The following DOCK10 variants were observed in gnomAD, a reference collection of about 807,000 sequenced individuals.
DOCK10 encodes the protein dedicator of cytokinesis protein 10.
A neutral mutation model predicts 280.1 loss-of-function variants in DOCK10; 145 were observed. That is an observed-to-expected ratio of 0.52 (90% CI 0.45 to 0.59). DOCK10 has a LOEUF of 0.59. Among genes scored for constraint, DOCK10 ranks in the 20% least tolerant of loss-of-function variants. DOCK10 has a pLI of 0.00. For synonymous variants in DOCK10, 915 were observed against 942.2 expected, an observed-to-expected ratio of 0.97 and a Z score of 0.53; for missense variants, 2,368 against 2,651.7, an observed-to-expected ratio of 0.89 and a Z score of 2.35.
rs71410336 is a variant in DOCK10 at position 224,870,815 on chromosome 2, ATTTTTTTTTTTTT to A, written c.1257+3168_1257+3180del. Among the ~76,000 whole-genome samples the A allele has an allele frequency of 2.1e-4, 11 of 52,612 alleles. No individual in the cohort carries two copies. The East Asian group carries it at 2.6e-3, about 12-fold the overall frequency. 34.5% of individuals were successfully genotyped at this position (52,612 alleles called of 152,430 possible). ...TTGTATTTCCATTCATGGCCACTCC[ATTTTTTTTTTTTT>A]TTTTTTTTTTTTTTTTGAGACGGAG... is the stretch of plus-strand genomic sequence containing the variant. On this transcript the variant is annotated intron_variant, in intron 11 of 55. Coordinates refer to ENST00000258390, the MANE Select transcript of DOCK10 (RefSeq NM_014689.3).
In DOCK10 at chr2:224,830,524, A is replaced by G; in HGVS notation, c.3036+17T>C. ...TATTGTAAAAATATTATAATATTAT[A>G]TTACTTATGTTCTTACCTGGATTTT... On this transcript the variant is annotated intron_variant, in intron 27 of 55. Transcript: ENST00000258390. 3 of 1,288,612 alleles carry G rather than the reference A, an allele frequency of 2.3e-6. No individual in the cohort carries two copies. The highest frequency in any genetic ancestry group is 2.6e-5 in the East Asian group (1 of 37,938). The allele number at this position is 1,288,612 out of a possible 1,614,324, so 79.8% of individuals were successfully genotyped here.
intron 1 of DOCK10, among the ~76,000 whole-genome samples, chr2:224,980,259 G>C (rs1705676137): frequency 6.6e-6 from 1 of 152,274 alleles, no homozygotes; most frequent in South Asian, 2.1e-4. Context: ...AGAGTCTTTG[G>C]GGTCAAGAGC....
At chr2:224,948,581 A>G (rs1391972804) in intron 1 of DOCK10, among the ~76,000 whole-genome samples, 2 of 152,182 alleles carry the variant, frequency 1.3e-5, no homozygotes, top group African/African-American at 4.8e-5. Flanking sequence ...ACTCTGGATC[A>G]CCTGATTTCC....
intron 1 of DOCK10, among the ~76,000 whole-genome samples, chr2:224,989,860 G>A (rs571629308): frequency 6.6e-6 from 1 of 152,260 alleles, no homozygotes; most frequent in Non-Finnish European, 1.5e-5. Flanking sequence ...TATTGTGATA[G>A]TAACCCCTGA....
At chr2:224,817,803 T>C (rs1694232469) in intron 29 of DOCK10, among the ~76,000 whole-genome samples, 1 of 152,214 alleles carries the variant, frequency 6.6e-6, no homozygotes, top group Non-Finnish European at 1.5e-5. Flanking sequence ...AAATCTCCAC[T>C]GCACCCCATC....
chr2:224,855,057 G>T lies in DOCK10; in HGVS notation c.1809-15C>A. ...TTCTGTCGGCCCTGTAAGAGTGCAT[G>T]AGCAAGGACACACACACACACACAC... On this transcript the variant is annotated splice_polypyrimidine_tract_variant and intron_variant, in intron 15 of 55. Transcript: ENST00000258390. 3 of 1,322,966 alleles carry T rather than the reference G, an allele frequency of 2.3e-6. No homozygotes were observed. The highest frequency in any genetic ancestry group is 2.1e-5 in the Admixed American group (1 of 48,740). The allele number at this position is 1,322,966 out of a possible 1,614,324, so 82.0% of individuals were successfully genotyped here.
At chr2:224,778,514 T>G in intron 50 of DOCK10, 1 of 559,242 alleles carries the variant, frequency 1.8e-6, no homozygotes. Context: ...CCAAAGAAAC[T>G]CATGAAATAT....
intron 1 of DOCK10, among the ~76,000 whole-genome samples, chr2:224,952,983 C>A (rs549192210): frequency 5.3e-5 from 8 of 152,136 alleles, no homozygotes; most frequent in Admixed American, 3.9e-4. Context: ...TCTAAGCAAC[C>A]GGGGGGCAGA....
chr2:224,886,214 C>T, intron 5 of DOCK10, 29 bp from the exon 6 acceptor site: 3 of 1,613,264 alleles, frequency 1.9e-6, no homozygotes, highest in Non-Finnish European at 2.5e-6. Flanking sequence ...AGCATGACAG[C>T]CATCTTTTGT....
intron 12 of DOCK10, 67 bp downstream of exon 12, chr2:224,864,799 T>A (rs1391910083): frequency 3.8e-6 from 6 of 1,598,572 alleles, no homozygotes; most frequent in East Asian, 2.2e-5. Context: ...GCTCATCTTA[T>A]ATGATCTATT....
chr2:224,939,425 A>C (rs1702882754), intron 1 of DOCK10, among the ~76,000 whole-genome samples: 1 of 152,200 alleles, frequency 6.6e-6, no homozygotes, highest in Non-Finnish European at 1.5e-5. Flanking sequence ...TAAAATTCAC[A>C]CATTTTTGTA....
chr2:224,773,327 C>T lies in DOCK10; in HGVS notation c.6034G>A (p.Val2012Met), dbSNP rs751520033. 4.3e-6 allele frequency: 7 copies of T among 1,611,910 alleles called. No individual in the cohort carries two copies. The highest frequency in any genetic ancestry group is 2.2e-5 in the South Asian group (2 of 90,968). Reference protein sequence around the residue: ...ILTTSHLFPYVKKRIQVISQS... With the variant: ...ILTTSHLFPYMKKRIQVISQS... The stretch of plus-strand genomic sequence containing the variant: ...CTAATTACTTGTATTCTCTTCTTCA[C>T]GTAGGGGAACAGGTGACTCGCTGTA... The change falls in exon 53 of 56, where the codon GTG becomes ATG. Residue 2012 changes from valine to methionine, a missense_variant. Physicochemically the swap from Val to Met is conservative, Grantham distance 21 (BLOSUM62 1). This residue lies in a region of DOCK10 where 1,159 missense variants were observed against 1,400.8 expected (regional missense o/e 0.83). Coordinates refer to ENST00000258390, the MANE Select transcript of DOCK10 (RefSeq NM_014689.3).
chr2:224,956,709 C>T (rs1704065080), intron 1 of DOCK10, among the ~76,000 whole-genome samples: 1 of 151,776 alleles, frequency 6.6e-6, no homozygotes, highest in Non-Finnish European at 1.5e-5. Context: ...AGAAACAATG[C>T]CTCAGAAGCT....
intron 33 of DOCK10, 42 bp downstream of exon 33, chr2:224,807,626 T>C: frequency 7.5e-7 from 1 of 1,333,840 alleles, no homozygotes; most frequent in African/African-American, 1.5e-5. Flanking sequence ...AAAAGACAAA[T>C]TCTTTATTAA....
chr2:225,036,377 TA>T (rs1460512757), intron 1 of DOCK10, among the ~76,000 whole-genome samples: 1 of 152,218 alleles, frequency 6.6e-6, no homozygotes, highest in Non-Finnish European at 1.5e-5. Context: ...CTGCTTTAAG[TA>T]AAACTTTCAA....
At chr2:225,029,790 T>C (rs1413367361) in intron 1 of DOCK10, among the ~76,000 whole-genome samples, 1 of 152,162 alleles carries the variant, frequency 6.6e-6, no homozygotes, top group African/African-American at 2.4e-5. Context: ...ACTAGTTTTT[T>C]CTTCATTATT....
At chr2:225,025,859 C>T (rs1397446677) in intron 1 of DOCK10, among the ~76,000 whole-genome samples, 1 of 152,112 alleles carries the variant, frequency 6.6e-6, no homozygotes, top group African/African-American at 2.4e-5. Context: ...TACATCTATC[C>T]ATCCATCTAA....
chr2:224,861,207 G>A (rs1697475912), intron 14 of DOCK10: 1 of 152,138 alleles, frequency 6.6e-6, no homozygotes, highest in Non-Finnish European at 1.5e-5. Context: ...GAATGTCCTG[G>A]CATTAGTTGT....
At chr2:224,890,568 A>G (rs1699598742) in intron 4 of DOCK10, among the ~76,000 whole-genome samples, 1 of 152,120 alleles carries the variant, frequency 6.6e-6, no homozygotes, top group South Asian at 2.1e-4. Flanking sequence ...GGATGTCTAA[A>G]CAAACTACAG....
Sources: gnomAD v4.1 joint callset for allele counts (sites outside exome capture counted in the v4.1 genomes callset) on GRCh38, gnomAD v4.1.1 for gene constraint, gnomAD v4.1.1 regional missense constraint, MANE v1.5 for transcripts, NCBI Gene and HGNC (gene_info 2026-07-23, HGNC 2026-07-21) for gene names.